Variants in SDK1 observed in about 807,000 individuals in gnomAD.
The protein encoded by SDK1 is sidekick cell adhesion molecule 1.
Under a neutral mutation model 245.5 loss-of-function variants are expected in SDK1, and 157 were observed. That is an observed-to-expected ratio of 0.64 (90% confidence interval 0.56 to 0.73). SDK1 has a LOEUF of 0.73. SDK1 is among the 30% of genes least tolerant of loss of function. SDK1 has a pLI of 0.00. For missense variants in SDK1, 3,583 were observed against 3,002.3 expected, an observed-to-expected ratio of 1.19 and a Z score of -4.52; for synonymous variants, 1,647 against 1,278.5, an observed-to-expected ratio of 1.29 and a Z score of -6.15.
At chr7:3,462,254 A>G (rs1357072503) in intron 1 of SDK1, among the ~76,000 whole-genome samples, 1 of 152,138 alleles carries the variant, frequency 6.6e-6, no homozygotes, top group Non-Finnish European at 1.5e-5. Context: ...GTTTTGAAAT[A>G]CCTGTAACAA....
chr7:3,536,387 A>G (rs997966665), intron 1 of SDK1, among the ~76,000 whole-genome samples: 1 of 152,064 alleles, frequency 6.6e-6, no homozygotes, highest in Non-Finnish European at 1.5e-5. Context: ...AATTTTTTAA[A>G]AAATCTATGC....
chr7:3,405,303 C>G (rs1032490857), intron 1 of SDK1, among the ~76,000 whole-genome samples: 1 of 152,038 alleles, frequency 6.6e-6, no homozygotes, highest in Non-Finnish European at 1.5e-5. Context: ...GTAAGAGTAA[C>G]TGGGGGTAAA....
At chr7:4,067,789 G>T (rs1002534834) in intron 19 of SDK1, 49 bp from the exon 20 acceptor site, 2 of 1,445,240 alleles carry the variant, frequency 1.4e-6, no homozygotes, top group African/African-American at 2.8e-5. Flanking sequence ...CTGATCAAAA[G>T]AAAATTTGGG....
At chr7:4,115,027 C>T (rs1783611584) in intron 25 of SDK1, among the ~76,000 whole-genome samples, 1 of 152,160 alleles carries the variant, frequency 6.6e-6, no homozygotes, top group African/African-American at 2.4e-5. Context: ...GCTGCCTAAT[C>T]TTCTGGGCTT....
rs376337773 is a variant in SDK1, at chr7:4,161,815, G to A, written c.4759G>A (p.Ala1587Thr). The A allele has an allele frequency of 1.7e-5, 28 of 1,614,068 alleles. No homozygotes were observed. Among genetic ancestry groups the A allele is most frequent in the Admixed American group, 5.0e-5 (3 of 60,010 alleles). Residue 1587 changes from alanine (A) to threonine (T), a missense_variant, in exon 32 of 45, where the codon GCG (alanine) becomes ACG (threonine). Coordinates refer to ENST00000404826, the MANE Select transcript of SDK1 (RefSeq NM_152744.4). ...AGGAGAGCCCCCGGGATCTGTCTCA[G>A]CGACGCCACACACCACGTCCTCTGT... ...VPGEPPGSVS[A>T]TPHTTSSVLI...
At chr7:4,145,940 G>C (rs764511447) in intron 29 of SDK1, 24 bp downstream of exon 29, 4 of 1,575,446 alleles carry the variant, frequency 2.5e-6, no homozygotes, top group South Asian at 2.3e-5. Context: ...GGACCCGGGG[G>C]TACTGCAGAT....
chr7:4,145,958 G>A (rs780248578), intron 29 of SDK1, 42 bp downstream of exon 29: 25 of 1,542,886 alleles, frequency 1.6e-5, no homozygotes, highest in Non-Finnish European at 2.1e-5. Context: ...GATGTTGTGG[G>A]CACAGCTTCC....
chr7:3,518,608 G>A (rs1216987247), intron 1 of SDK1, among the ~76,000 whole-genome samples: 1 of 151,950 alleles, frequency 6.6e-6, no homozygotes, highest in Non-Finnish European at 1.5e-5. Context: ...TCAGGGAAAT[G>A]CAAATAAAAA....
intron 4 of SDK1, among the ~76,000 whole-genome samples, chr7:3,672,363 G>A: frequency 6.6e-6 from 1 of 151,644 alleles, no homozygotes; most frequent in East Asian, 1.9e-4. Flanking sequence ...GTGTCTCTCT[G>A]TTTCTTGCCG....
rs539498425 is a variant in SDK1 at position 3,761,414 on chromosome 7, C to T, written c.714-60036C>T. On this transcript the variant is annotated intron_variant, in intron 4 of 44. Coordinates refer to ENST00000404826, the MANE Select transcript of SDK1 (RefSeq NM_152744.4). The stretch of plus-strand genomic sequence containing the variant: ...CTAAAAATACAAAAACTTAGCCAGG[C>T]GTGGTGGTGGGCACCTGTAGTCCCA... Among the ~76,000 whole-genome samples the T allele has an allele frequency of 1.4e-3, 219 of 151,546 alleles. 3 individuals carry two copies. Among genetic ancestry groups the T allele is most frequent in the South Asian group, 1.9e-3 (9 of 4,778 alleles).
At chr7:3,945,168 A>G (rs1359618988) in intron 5 of SDK1, among the ~76,000 whole-genome samples, 1 of 152,224 alleles carries the variant, frequency 6.6e-6, no homozygotes, top group East Asian at 1.9e-4. Flanking sequence ...TAAGCAGAAT[A>G]CTTAAGCTAG....
chr7:3,639,064 C>G lies in SDK1; in HGVS notation c.519C>G (p.Asn173Lys). 1 of 1,604,698 alleles carries G rather than the reference C, an allele frequency of 6.2e-7. No individual in the cohort carries two copies. The highest frequency in any genetic ancestry group is 8.5e-7 in the Non-Finnish European group (1 of 1,172,974). The change falls in exon 3 of 45, where the codon AAC becomes AAG. Residue 173 changes from asparagine to lysine, a missense_variant. Transcript: ENST00000404826. ...GGTTTTACCGCTGCGTGGTGCGAAA[C>G]AGAATGGGAGCACTCCTGCAAAGAA... ...DAGFYRCVVRNRMGALLQRKS... is the reference protein window; with the variant it reads ...DAGFYRCVVRKRMGALLQRKS...
At chr7:3,800,476 G>A (rs893459138) in intron 4 of SDK1, among the ~76,000 whole-genome samples, 1 of 151,912 alleles carries the variant, frequency 6.6e-6, no homozygotes, top group Non-Finnish European at 1.5e-5. Flanking sequence ...CTGCCTCCTG[G>A]GTTTAAGAGA....
At chr7:3,590,873 C>T (rs1037019276) in intron 1 of SDK1, among the ~76,000 whole-genome samples, 14 of 151,518 alleles carry the variant, frequency 9.2e-5, no homozygotes, top group African/African-American at 3.2e-4. Flanking sequence ...GCCTTGACCT[C>T]CCAGGCTCAA....
At chr7:4,137,003 C>G (rs1454558293) in intron 28 of SDK1, among the ~76,000 whole-genome samples, 1 of 152,222 alleles carries the variant, frequency 6.6e-6, no homozygotes, top group African/African-American at 2.4e-5. Flanking sequence ...ACAGCAGCTG[C>G]AGAGAGATCG....
At chr7:3,648,803 A>G (rs975236811) in intron 4 of SDK1, among the ~76,000 whole-genome samples, 2 of 152,248 alleles carry the variant, frequency 1.3e-5, no homozygotes, top group African/African-American at 4.8e-5. Flanking sequence ...TAAGTAAAAC[A>G]GACGAGTAGA....
At chr7:4,242,666 G>A (rs189275276) in intron 43 of SDK1, among the ~76,000 whole-genome samples, 1 of 152,310 alleles carries the variant, frequency 6.6e-6, no homozygotes, top group Non-Finnish European at 1.5e-5. Context: ...CCCAGCATCG[G>A]GGTGGAGGAG....
intron 4 of SDK1, among the ~76,000 whole-genome samples, chr7:3,820,399 C>T (rs537490034): frequency 6.6e-6 from 1 of 152,306 alleles, no homozygotes; most frequent in African/African-American, 2.4e-5. Context: ...CTGTCCACCT[C>T]GCCCTCCCAA....
At chr7:4,221,218 C>A (rs895389208) in intron 39 of SDK1, 21 bp from the exon 40 acceptor site, 2 of 1,612,102 alleles carry the variant, frequency 1.2e-6, no homozygotes, top group Non-Finnish European at 8.5e-7. Flanking sequence ...CCTCACCTCT[C>A]TTTTCTTCTT....
Sources: allele counts gnomAD v4.1 joint callset (sites outside exome capture counted in the v4.1 genomes callset), GRCh38; gene constraint gnomAD v4.1.1; transcripts MANE v1.5; gene names NCBI Gene and HGNC (gene_info 2026-07-23, HGNC 2026-07-21).